Variants in SNX15 observed in about 807,000 individuals in gnomAD.
SNX15 encodes sorting nexin 15.
Under a neutral mutation model 35.2 loss-of-function variants are expected in SNX15, and 29 were observed. That is an observed-to-expected ratio of 0.82 (90% CI 0.61 to 1.12). SNX15 has a LOEUF of 1.12. Among genes scored for constraint, SNX15 ranks in the 50% most tolerant of loss-of-function variants. The probability of loss-of-function intolerance (pLI) is 0.00; values close to 1 mark genes in which losing one functional copy is unlikely to be tolerated. For synonymous variants in SNX15, 189 were observed against 188.2 expected, an observed-to-expected ratio of 1.00 and a Z score of -0.03; for missense variants, 400 against 451.5, an observed-to-expected ratio of 0.89 and a Z score of 1.03.
chr11:65,033,685 GT>G (rs1374573332), intron 3 of SNX15, among the ~76,000 whole-genome samples: 3 of 151,992 alleles, frequency 2.0e-5, no homozygotes, highest in African/African-American at 7.2e-5. Flanking sequence ...CATGTGAGAT[GT>G]TCTTTTTTGT....
chr11:65,038,751 G>A lies in SNX15; in HGVS notation c.844G>A (p.Asp282Asn). 6.2e-7 allele frequency: 1 copy of A among 1,602,370 alleles called. No homozygotes were observed. ...AGAGCTCATCACCCAGGCCCTGCGG[G>A]ATGAGAAGGCAGGCGCTTACGCTGC... ...ATELITQALR[D>N]EKAGAYAAAL... The change falls in exon 7 of 8, where the codon GAT becomes AAT. Residue 282 changes from aspartate to asparagine, a missense_variant. By Grantham distance (23) the Asp-to-Asn change is conservative. Coordinates refer to ENST00000377244, the MANE Select transcript of SNX15 (RefSeq NM_013306.5).
chr11:65,038,655 G>A lies in SNX15; in HGVS notation c.748G>A (p.Glu250Lys). 6.2e-7 allele frequency: 1 copy of A among 1,613,034 alleles called. No homozygotes were observed. Among genetic ancestry groups the A allele is most frequent in the Non-Finnish European group, 8.5e-7 (1 of 1,179,578 alleles). ...ESARLDQEPW[E>K]PGGQEEEEDG... ...TGCAAGGCTGGACCAGGAACCCTGG[G>A]AGCCAGGAGGGCAGGAGGAGGAAGA... The change falls in exon 7 of 8, where the codon GAG (glutamate) becomes AAG (lysine). Residue 250 changes from glutamate (E) to lysine (K), a missense_variant. Transcript: ENST00000377244.
At chr11:65,033,829 A>G (rs1946468995) in intron 3 of SNX15, among the ~76,000 whole-genome samples, 1 of 151,898 alleles carries the variant, frequency 6.6e-6, no homozygotes, top group Non-Finnish European at 1.5e-5. Flanking sequence ...CAGCCTCCCA[A>G]ATAGCCAAGT....
In SNX15 at chr11:65,034,787, G is replaced by C. The variant is rs564216531; in HGVS notation, c.257-60G>C. On this transcript the variant is annotated intron_variant, in intron 3 of 7. Coordinates refer to ENST00000377244, the MANE Select transcript of SNX15 (RefSeq NM_013306.5). ...GGCAGGACCAGGAAAAGTGGCCTTG[G>C]GGCAGAAGCCCCTGTGGGTCACCGC... 9.1e-5 allele frequency: 122 copies of C among 1,342,948 alleles called. 2 individuals are homozygous for C. Among genetic ancestry groups the C allele is most frequent in the Middle Eastern group, 6.4e-4 (3 of 4,670 alleles). The allele number at this position is 1,342,948 out of a possible 1,614,324, so 83.2% of individuals were successfully genotyped here.
At position 65,027,545 on chromosome 11, in the gene SNX15, G is replaced by T. The variant is rs148167643; in HGVS notation, c.8G>T (p.Arg3Leu). 3.9e-4 allele frequency: 627 copies of T among 1,613,806 alleles called. No individual in the cohort carries two copies. Among genetic ancestry groups the T allele is most frequent in the Non-Finnish European group, 5.1e-4 (602 of 1,179,888 alleles). Residue 3 changes from arginine to leucine, a missense_variant, in exon 1 of 8, where the codon CGC becomes CTC. Transcript: ENST00000377244. Reference sequence around the variant, plus strand: ...CCGCTCCAGCTCGGTTTCATGTCCCGCCAGGCGAAGGATGACTTCCTGCGG... The same window carrying T: ...CCGCTCCAGCTCGGTTTCATGTCCCTCCAGGCGAAGGATGACTTCCTGCGG... MS[R>L]QAKDDFLRHY... is the part of the protein sequence containing the mutation.
Position 65,032,108 on chromosome 11 carries a change from G to A in SNX15, c.100-60G>A, listed in dbSNP as rs1360748374. 4.5e-6 allele frequency: 7 copies of A among 1,562,016 alleles called. No individual in the cohort carries two copies. The Admixed American group carries it at 1.2e-4, about 26-fold the overall frequency. Reference sequence around the variant, plus strand: ...CTAGGAGGCACCTGGGGCATTACAGGGTGAGAGGGTGTCAGATGGCAGTCT... The same window carrying A: ...CTAGGAGGCACCTGGGGCATTACAGAGTGAGAGGGTGTCAGATGGCAGTCT... On this transcript the variant is annotated intron_variant, in intron 1 of 7. Transcript: ENST00000377244.
At position 65,027,573 on chromosome 11, in the gene SNX15, C is replaced by G. The variant is rs1946386162; in HGVS notation, c.36C>G (p.His12Gln). The change falls in exon 1 of 8, where the codon CAC becomes CAG. Residue 12 changes from histidine to glutamine, a missense_variant. By Grantham distance (24) the His-to-Gln change is conservative. Transcript: ENST00000377244. Reference sequence around the variant, plus strand: ...AGGCGAAGGATGACTTCCTGCGGCACTACACAGTGTCGGACCCCAGGACTC... The same window carrying G: ...AGGCGAAGGATGACTTCCTGCGGCAGTACACAGTGTCGGACCCCAGGACTC... ...SRQAKDDFLR[H>Q]YTVSDPRTHP... 1 of 1,614,148 alleles carries G rather than the reference C, an allele frequency of 6.2e-7. No homozygotes were observed. Among genetic ancestry groups the G allele is most frequent in the Non-Finnish European group, 8.5e-7 (1 of 1,180,036 alleles).
In SNX15 at chr11:65,040,061, G is replaced by GCAC; in HGVS notation, c.*269_*270insCAC. 2 of 382,360 alleles carry GCAC rather than the reference G, an allele frequency of 5.2e-6. No homozygotes were observed. Among genetic ancestry groups the GCAC allele is most frequent in the African/African-American group, 2.1e-5 (1 of 48,522 alleles). The allele number at this position is 382,360 out of a possible 1,614,324, so 23.7% of individuals were successfully genotyped here. ...GTGTCGCCCAGACTGGAGTGCAGTGGTGGGATCGCGGCTCACTGCAACCTC... is the reference window on the plus strand; with the variant it reads ...GTGTCGCCCAGACTGGAGTGCAGTGGCACTGGGATCGCGGCTCACTGCAACCTC... On this transcript the variant is annotated 3_prime_UTR_variant, in exon 8 of 8. Coordinates refer to ENST00000377244, the MANE Select transcript of SNX15 (RefSeq NM_013306.5).
chr11:65,031,366 C>T (rs138744799), intron 1 of SNX15, among the ~76,000 whole-genome samples: 1,828 of 152,322 alleles, frequency 0.012, 43 homozygotes, highest in Admixed American at 0.054. Flanking sequence ...AACCATAGGA[C>T]ATTATTTTAA....
chr11:65,033,158 G>A (rs1185152352), intron 3 of SNX15, among the ~76,000 whole-genome samples: 3 of 152,114 alleles, frequency 2.0e-5, no homozygotes, highest in African/African-American at 4.8e-5. Flanking sequence ...TTACAGGCGT[G>A]AGACACTGCA....
At chr11:65,033,735 C>T (rs1290384565) in intron 3 of SNX15, among the ~76,000 whole-genome samples, 1 of 151,936 alleles carries the variant, frequency 6.6e-6, no homozygotes, top group Non-Finnish European at 1.5e-5. Flanking sequence ...CAGAGTCTCA[C>T]TCTGTCACCC....
At position 65,032,557 on chromosome 11, in the gene SNX15, T is replaced by G. The variant is rs1427407750; in HGVS notation, c.256+6T>G. The G allele has an allele frequency of 6.2e-7, 1 of 1,613,622 alleles. No homozygotes were observed. Among genetic ancestry groups the G allele is most frequent in the South Asian group, 1.1e-5 (1 of 91,044 alleles). On this transcript the variant is annotated splice_donor_region_variant and intron_variant, in intron 3 of 7. Coordinates refer to ENST00000377244, the MANE Select transcript of SNX15 (RefSeq NM_013306.5). ...CCCCCGGGCCCAGGTGTTTGGTGAG[T>G]GTTAGATTGGGGCACTCGGGCCAAA... is the stretch of plus-strand genomic sequence containing the variant.
intron 1 of SNX15, among the ~76,000 whole-genome samples, chr11:65,029,190 T>G (rs1017052186): frequency 6.6e-6 from 1 of 152,038 alleles, no homozygotes; most frequent in Non-Finnish European, 1.5e-5. Flanking sequence ...AGACAGAGTC[T>G]CACTGTCGCC....
rs897162585 is a variant in SNX15 at position 65,035,616 on chromosome 11, C to G, written c.617C>G (p.Pro206Arg). Reference protein sequence around the residue: ...EEASGSPARGPLTEAELALFD... With the variant: ...EEASGSPARGRLTEAELALFD... ...GCATCTGGTTCCCCTGCCCGAGGCC[C>G]CCTCACCGAGGCTGAGCTTGCCCTC... Residue 206 changes from proline to arginine, a missense_variant, in exon 6 of 8, where the codon CCC (proline) becomes CGC (arginine). Coordinates refer to ENST00000377244, the MANE Select transcript of SNX15 (RefSeq NM_013306.5). 2 of 1,613,888 alleles carry G rather than the reference C, an allele frequency of 1.2e-6. No homozygotes were observed. The highest frequency in any genetic ancestry group is 8.5e-7 in the Non-Finnish European group (1 of 1,179,876).
At chr11:65,032,279 T>G in intron 2 of SNX15, 76 bp downstream of exon 2, 1 of 1,574,630 alleles carries the variant, frequency 6.4e-7, no homozygotes. Context: ...CTGGTAACTC[T>G]GCTTGGACAT....
rs189742497 is a variant in SNX15, at chr11:65,033,052, T to G, written c.256+501T>G. 6.0e-4 allele frequency among the ~76,000 whole-genome samples: 91 copies of G among 151,968 alleles called. 1 individual carries two copies. In the East Asian group the frequency reaches 0.016, roughly 27 times the overall value. On this transcript the variant is annotated intron_variant, in intron 3 of 7. Transcript: ENST00000377244. ...CACCACGCCTGGCTAATTTTTGTAT[T>G]TTTAGTAGAGACAGAGTTTCATCAT...
At chr11:65,031,931 C>G (rs1946444150) in intron 1 of SNX15, among the ~76,000 whole-genome samples, 1 of 152,014 alleles carries the variant, frequency 6.6e-6, no homozygotes, top group African/African-American at 2.4e-5. Context: ...TTGGAGCAGT[C>G]CAAATGGGCC....
At chr11:65,029,126 T>TAAATAAATAAATAAATAAAA (rs1452453193) in intron 1 of SNX15, among the ~76,000 whole-genome samples, 2 of 135,256 alleles carry the variant, frequency 1.5e-5, no homozygotes, top group South Asian at 2.3e-4. Flanking sequence ...AATAAATAAA[T>TAAATAAATAAATAAATAAAA]AAAAATAAGT....
rs553353431 is a variant in SNX15 at position 65,034,923 on chromosome 11, T to C, written c.333T>C (p.Pro111=). The stretch of plus-strand genomic sequence containing the variant: ...TGCTTCGCTTCACTGTGCACATACC[T>C]GCGCTCAACAACAGCCCCCAGCTCA... The part of the protein sequence containing the change: ...EDLLRFTVHI[P]ALNNSPQLKE... Residue 111 remains proline (P), a synonymous_variant, in exon 4 of 8, where the codon CCT becomes CCC. Coordinates refer to ENST00000377244, the MANE Select transcript of SNX15 (RefSeq NM_013306.5). 6.2e-7 allele frequency: 1 copy of C among 1,614,094 alleles called. No homozygotes were observed. Among genetic ancestry groups the C allele is most frequent in the African/African-American group, 1.3e-5 (1 of 75,038 alleles).
Sources: gnomAD v4.1 joint callset for allele counts (sites outside exome capture counted in the v4.1 genomes callset) on GRCh38, gnomAD v4.1.1 for gene constraint, MANE v1.5 for transcripts, NCBI Gene and HGNC (gene_info 2026-07-23, HGNC 2026-07-21) for gene names.